The following MVB12B variants were observed in gnomAD, a reference collection of about 807,000 sequenced individuals.
The protein encoded by MVB12B is ESCRT-I complex subunit MVB12B.
A neutral mutation model predicts 41.6 loss-of-function variants in MVB12B; 16 were observed. The observed-to-expected ratio is 0.38, with a 90% CI of 0.26 to 0.58. The LOEUF (loss-of-function observed/expected upper bound fraction) is 0.58. MVB12B is among the 20% of genes least tolerant of loss of function. The probability of loss-of-function intolerance (pLI) is 0.62; values close to 1 mark genes in which losing one functional copy is unlikely to be tolerated. For missense variants in MVB12B, 274 were observed against 380.2 expected (o/e 0.72, Z 2.32); for synonymous variants, 133 against 139.7 (o/e 0.95, Z 0.34).
Position 126,506,564 on chromosome 9 carries a change from C to T in MVB12B, c.*3301C>T, listed in dbSNP as rs1354123250. On this transcript the variant is annotated 3_prime_UTR_variant, in exon 10 of 10. Coordinates refer to ENST00000361171, the MANE Select transcript of MVB12B (RefSeq NM_033446.3). ...CCACCCAGATGAGGGCCCTCCAGAG[C>T]CTGCAGGCATCTGTGGGGAATCCCA... The T allele has an allele frequency of 2.0e-5, 3 of 152,302 alleles. No homozygotes were observed. Among genetic ancestry groups the T allele is most frequent in the Admixed American group, 6.5e-5 (1 of 15,288 alleles). 9.4% of individuals were successfully genotyped at this position (152,302 alleles called of 1,614,324 possible). A position where few individuals can be genotyped will look rare whatever the true frequency, so the allele number is the denominator to read the frequency against.
chr9:126,416,939 C>T (rs890461658), intron 6 of MVB12B, among the ~76,000 whole-genome samples: 6 of 152,210 alleles, frequency 3.9e-5, no homozygotes, highest in Admixed American at 2.0e-4. Flanking sequence ...CCAAAGCACT[C>T]CTGGGCCACT....
intron 7 of MVB12B, among the ~76,000 whole-genome samples, chr9:126,437,477 G>A (rs961980510): frequency 1.3e-5 from 2 of 152,034 alleles, no homozygotes; most frequent in African/African-American, 4.8e-5. Context: ...ATTAAAGCAC[G>A]GCTTTATGCT....
chr9:126,368,464 A>G (rs1057222764), intron 2 of MVB12B, among the ~76,000 whole-genome samples: 1 of 152,132 alleles, frequency 6.6e-6, no homozygotes, highest in African/African-American at 2.4e-5. Flanking sequence ...CCATAATGAA[A>G]TCACCTTGAA....
intron 7 of MVB12B, among the ~76,000 whole-genome samples, chr9:126,438,133 G>A (rs1201349483): frequency 6.6e-6 from 1 of 152,210 alleles, no homozygotes; most frequent in East Asian, 1.9e-4. Context: ...GTATTATGAA[G>A]TAGTTCCTTT....
At chr9:126,475,418 G>A (rs1833401755) in intron 7 of MVB12B, among the ~76,000 whole-genome samples, 1 of 152,202 alleles carries the variant, frequency 6.6e-6, no homozygotes, top group Non-Finnish European at 1.5e-5. Context: ...GTAGCCAGCT[G>A]TATTTATCCA....
In MVB12B at chr9:126,348,220, A is replaced by G. The variant is rs574446836; in HGVS notation, c.204+7590A>G. On this transcript the variant is annotated intron_variant, in intron 2 of 9. Coordinates refer to ENST00000361171, the MANE Select transcript of MVB12B (RefSeq NM_033446.3). ...TAAGCTGAGATTTACTGAAATGCGG[A>G]AAGTGGTTTTTGTAACTAGCCCTGG... Among the ~76,000 whole-genome samples the G allele has an allele frequency of 4.6e-5, 7 of 152,318 alleles. No homozygotes were observed. In the South Asian group the frequency reaches 1.2e-3, roughly 27 times the overall value.
intron 7 of MVB12B, among the ~76,000 whole-genome samples, chr9:126,453,054 T>C (rs1832913687): frequency 6.6e-6 from 1 of 151,742 alleles, no homozygotes; most frequent in Non-Finnish European, 1.5e-5. Context: ...AAGTCAGTCT[T>C]CTATCAAGAG....
At chr9:126,411,134 G>A (rs973975142) in intron 6 of MVB12B, among the ~76,000 whole-genome samples, 1 of 152,070 alleles carries the variant, frequency 6.6e-6, no homozygotes, top group Non-Finnish European at 1.5e-5. Context: ...TGATCCACCC[G>A]CCTTGGCCTC....
intron 9 of MVB12B, among the ~76,000 whole-genome samples, chr9:126,494,863 A>AGCCC (rs1833797230): frequency 1.4e-5 from 2 of 146,220 alleles, no homozygotes; most frequent in South Asian, 2.2e-4. Flanking sequence ...ACCAGGGAGC[A>AGCCC]CCCCACCCCC....
rs893853189 is a variant in MVB12B, at chr9:126,340,779, T to G, written c.204+149T>G. 4 of 963,964 alleles carry G rather than the reference T, an allele frequency of 4.1e-6. No homozygotes were observed. In the African/African-American group the frequency reaches 4.9e-5, roughly 12 times the overall value. 59.7% of individuals were successfully genotyped at this position (963,964 alleles called of 1,614,324 possible). ...GGAGGGCGTGGAGAGCATCCTGGTT[T>G]GGGAGTCAGAAGACCTGAGCCCATC... On this transcript the variant is annotated intron_variant, in intron 2 of 9. Transcript: ENST00000361171. This position sits in a 1 kb window ranked among gnomAD's most constrained non-coding sequence, Gnocchi z 4.0.
At chr9:126,375,441 C>T (rs1588119432) in intron 2 of MVB12B, among the ~76,000 whole-genome samples, 1 of 132,444 alleles carries the variant, frequency 7.6e-6, no homozygotes, top group Non-Finnish European at 1.5e-5. Flanking sequence ...GCAGTTGTCA[C>T]ATGCCCATCC....
chr9:126,434,821 G>A (rs986884365), intron 7 of MVB12B, among the ~76,000 whole-genome samples: 2 of 152,184 alleles, frequency 1.3e-5, no homozygotes, highest in African/African-American at 4.8e-5. Flanking sequence ...TGGTTTCCGA[G>A]TTCTAAGAAA....
intron 7 of MVB12B, among the ~76,000 whole-genome samples, chr9:126,458,226 C>T (rs933179851): frequency 1.3e-5 from 2 of 152,188 alleles, no homozygotes; most frequent in Non-Finnish European, 1.5e-5. Flanking sequence ...ACTGAGCAAG[C>T]GGGTAAACGT....
chr9:126,449,478 C>G (rs187355036), intron 7 of MVB12B, among the ~76,000 whole-genome samples: 19 of 152,218 alleles, frequency 1.2e-4, no homozygotes, highest in African/African-American at 4.6e-4. Flanking sequence ...AGTGACCCCC[C>G]ACAGCACCTC....
chr9:126,476,703 T>C (rs1202499389), intron 7 of MVB12B, among the ~76,000 whole-genome samples: 8 of 151,916 alleles, frequency 5.3e-5, no homozygotes, highest in East Asian at 3.9e-4. Context: ...GGTGAAACCC[T>C]GTATCTACTA....
At chr9:126,479,570 C>T in intron 7 of MVB12B, among the ~76,000 whole-genome samples, 1 of 152,242 alleles carries the variant, frequency 6.6e-6, no homozygotes, top group Non-Finnish European at 1.5e-5. Context: ...GCCTTCCCCT[C>T]ACCCCACTTT....
intron 7 of MVB12B, among the ~76,000 whole-genome samples, chr9:126,425,118 A>G (rs1186366293): frequency 6.6e-6 from 1 of 152,154 alleles, no homozygotes; most frequent in Non-Finnish European, 1.5e-5. Flanking sequence ...TTTAACAATT[A>G]CATTCTAAGC....
At chr9:126,492,958 A>G (rs185886198) in intron 9 of MVB12B, among the ~76,000 whole-genome samples, 5 of 152,324 alleles carry the variant, frequency 3.3e-5, no homozygotes, top group Admixed American at 2.6e-4. Context: ...GTTGTTTTCT[A>G]TCAGCTTCTG....
In MVB12B at chr9:126,492,170, G is replaced by A. The variant is rs1833746618; in HGVS notation, c.873+8138G>A. Among the ~76,000 whole-genome samples, 8 of 146,106 alleles carry A rather than the reference G, an allele frequency of 5.5e-5. No homozygotes were observed. The South Asian group carries it at 1.6e-3, about 29-fold the overall frequency. On this transcript the variant is annotated intron_variant, in intron 9 of 9. Transcript: ENST00000361171. ...AGGCTCATGCAGTACTGCCGGCTGC[G>A]ACCTGCCTCTGTACTATCTAGTATG...
Sources: allele counts gnomAD v4.1 joint callset (sites outside exome capture counted in the v4.1 genomes callset), GRCh38; gene constraint gnomAD v4.1.1; non-coding constraint Gnocchi (gnomAD v3.1); transcripts MANE v1.5; gene names NCBI Gene and HGNC (gene_info 2026-07-23, HGNC 2026-07-21).